PRKACB: variants seen among roughly 807,000 people sequenced by gnomAD.
PRKACB encodes cAMP-dependent protein kinase catalytic subunit beta.
PRKACB carries 16 observed loss-of-function variants against 51.4 expected under a neutral mutation model. The ratio of observed to expected loss-of-function variants is 0.31; its 90% confidence interval spans 0.21 to 0.47. PRKACB has a LOEUF of 0.47. Among genes scored for constraint, PRKACB ranks in the 20% least tolerant of loss-of-function variants. The pLI, the probability that PRKACB is intolerant of heterozygous loss-of-function variation, is 1.00. For synonymous variants in PRKACB, 147 were observed against 154.4 expected (o/e 0.95, Z 0.35); for missense variants, 309 against 464.5 (o/e 0.67, Z 3.08).
At chr1:84,181,422 G>A (rs1663422968) in intron 2 of PRKACB, among the ~76,000 whole-genome samples, 1 of 151,926 alleles carries the variant, frequency 6.6e-6, no homozygotes, top group South Asian at 2.1e-4. Context: ...TGTTGTGGCA[G>A]GAACAAATTT....
At chr1:84,190,127 T>C (rs1666322721) in intron 5 of PRKACB, among the ~76,000 whole-genome samples, 1 of 151,936 alleles carries the variant, frequency 6.6e-6, no homozygotes. Context: ...CATATTTTTT[T>C]CTTACATTCA....
In PRKACB at chr1:84,236,377, C is replaced by T. The variant is rs1176108245; in HGVS notation, c.*1072C>T. On this transcript the variant is annotated 3_prime_UTR_variant, in exon 10 of 10. Transcript: ENST00000370685. ...GGTTTACATTTGTTTTGTTTTGTAA[C>T]CGTTAAAAAGAAGTTGTTTCCAGCT... 2 of 152,464 alleles carry T rather than the reference C, an allele frequency of 1.3e-5. No homozygotes were observed. The highest frequency in any genetic ancestry group is 2.1e-4 in the South Asian group (1 of 4,820). 9.4% of individuals were successfully genotyped at this position (152,464 alleles called of 1,614,324 possible).
intron 1 of PRKACB, chr1:84,086,314 T>C (rs1647983879): frequency 1.1e-6 from 1 of 889,462 alleles, no homozygotes. Context: ...CCCTCCTGTC[T>C]GGCCCCTGGG....
intron 5 of PRKACB, among the ~76,000 whole-genome samples, chr1:84,193,290 A>G (rs144457878): frequency 1.1e-3 from 160 of 152,258 alleles, no homozygotes; most frequent in Middle Eastern, 0.01. Context: ...AAGGGCTCCA[A>G]TGGGGGTACT....
chr1:84,170,611 G>A (rs146510496), intron 1 of PRKACB, among the ~76,000 whole-genome samples: 4 of 151,644 alleles, frequency 2.6e-5, no homozygotes, highest in African/African-American at 4.8e-5. Context: ...CAGGTTTCTC[G>A]CAGATAAAGC....
chr1:84,106,583 C>T (rs1025086954), intron 1 of PRKACB, among the ~76,000 whole-genome samples: 1 of 152,116 alleles, frequency 6.6e-6, no homozygotes, highest in African/African-American at 2.4e-5. Flanking sequence ...AATTACAGAA[C>T]ACTGCTGAAA....
chr1:84,169,085 T>TA (rs1404862148), intron 1 of PRKACB, among the ~76,000 whole-genome samples: 1 of 151,688 alleles, frequency 6.6e-6, no homozygotes, highest in Non-Finnish European at 1.5e-5. Context: ...GGGGCATTTG[T>TA]AAAGTTTTGA....
chr1:84,187,727 C>G (rs959979571), intron 5 of PRKACB, among the ~76,000 whole-genome samples: 1 of 152,064 alleles, frequency 6.6e-6, no homozygotes, highest in Non-Finnish European at 1.5e-5. Context: ...AGTCTAATAA[C>G]AGGTATATTA....
At chr1:84,232,669 G>A (rs1234044681) in intron 9 of PRKACB, among the ~76,000 whole-genome samples, 1 of 152,076 alleles carries the variant, frequency 6.6e-6, no homozygotes, top group Non-Finnish European at 1.5e-5. Context: ...TTATGTAATG[G>A]CCTTTTTTGA....
chr1:84,091,018 A>G (rs1280174094), intron 1 of PRKACB, among the ~76,000 whole-genome samples: 2 of 151,790 alleles, frequency 1.3e-5, no homozygotes, highest in Non-Finnish European at 2.9e-5. Context: ...AAAAACGTGT[A>G]CCCCTTTTCC....
At chr1:84,093,662 T>G (rs1425977912) in intron 1 of PRKACB, among the ~76,000 whole-genome samples, 1 of 151,996 alleles carries the variant, frequency 6.6e-6, no homozygotes, top group African/African-American at 2.4e-5. Flanking sequence ...ATCTTGAGAT[T>G]GCATTGAATA....
chr1:84,182,067 G>A, intron 2 of PRKACB, 133 bp from the exon 3 acceptor site: 1 of 675,740 alleles, frequency 1.5e-6, no homozygotes, highest in Non-Finnish European at 2.2e-6. Flanking sequence ...AATCTCAATA[G>A]CTTTTTTGTA....
intron 1 of PRKACB, among the ~76,000 whole-genome samples, chr1:84,117,362 C>T (rs555008903): frequency 6.6e-6 from 1 of 152,196 alleles, no homozygotes; most frequent in Admixed American, 6.5e-5. Context: ...TTTGGAATAG[C>T]TTCAGGAAGA....
intron 1 of PRKACB, among the ~76,000 whole-genome samples, chr1:84,171,930 A>G (rs1039014133): frequency 6.6e-6 from 1 of 151,702 alleles, no homozygotes; most frequent in Non-Finnish European, 1.5e-5. Flanking sequence ...AATAGCAACC[A>G]AAGTGCTAAA....
At chr1:84,175,064 A>C (rs1438202279) in intron 1 of PRKACB, 1 of 1,454,876 alleles carries the variant, frequency 6.9e-7, no homozygotes, top group Non-Finnish European at 9.0e-7. Context: ...CTGGTAGGCA[A>C]TTACTTTTTA....
chr1:84,214,177 T>G lies in PRKACB; in HGVS notation c.931T>G (p.Ser311Ala). 6.2e-7 allele frequency: 1 copy of G among 1,612,252 alleles called. No individual in the cohort carries two copies. The highest frequency in any genetic ancestry group is 8.5e-7 in the Non-Finnish European group (1 of 1,179,288). ...GKVRFPSHFS[S>A]DLKDLLRNLL... Reference sequence around the variant, plus strand: ...GGTCCGATTCCCATCCCACTTCAGTTCAGATCTCAAGGACCTTCTACGGAA... The same window carrying G: ...GGTCCGATTCCCATCCCACTTCAGTGCAGATCTCAAGGACCTTCTACGGAA... Residue 311 changes from serine (S) to alanine (A), a missense_variant, in exon 9 of 10, where the codon TCA becomes GCA. Coordinates refer to ENST00000370685, the MANE Select transcript of PRKACB (RefSeq NM_182948.4).
At chr1:84,203,081 C>T (rs1170291267) in intron 8 of PRKACB, among the ~76,000 whole-genome samples, 1 of 151,882 alleles carries the variant, frequency 6.6e-6, no homozygotes, top group African/African-American at 2.4e-5. Context: ...TCTCGATATT[C>T]CTTCAAATAA....
intron 9 of PRKACB, among the ~76,000 whole-genome samples, chr1:84,228,522 T>A (rs1351200701): frequency 1.3e-5 from 2 of 152,198 alleles, no homozygotes; most frequent in African/African-American, 4.8e-5. Flanking sequence ...TATGATTTTT[T>A]TTTTTTAGCT....
chr1:84,149,912 T>C (rs61769176), intron 1 of PRKACB, among the ~76,000 whole-genome samples: 6,405 of 152,252 alleles, frequency 0.042, 199 homozygotes, highest in Middle Eastern at 0.11. Context: ...TCATAGATTA[T>C]AGCACTTGAG....
Sources: allele counts gnomAD v4.1 joint callset (sites outside exome capture counted in the v4.1 genomes callset), GRCh38; gene constraint gnomAD v4.1.1; transcripts MANE v1.5; gene names NCBI Gene and HGNC (gene_info 2026-07-23, HGNC 2026-07-21).